The following KLF12 variants were observed in gnomAD, a reference collection of about 807,000 sequenced individuals.
KLF12 encodes the protein Krueppel-like factor 12.
In KLF12, 9 loss-of-function variants were observed where a neutral mutation model predicts 37.8. The ratio of observed to expected loss-of-function variants is 0.24; its 90% CI spans 0.14 to 0.42. The LOEUF (loss-of-function observed/expected upper bound fraction) is 0.42, where lower values mean the gene tolerates loss of function less well. KLF12 is among the 10% of genes least tolerant of loss of function. The probability of loss-of-function intolerance (pLI) is 1.00; values close to 1 mark genes in which losing one functional copy is unlikely to be tolerated. For synonymous variants in KLF12, 208 were observed against 202.1 expected, an observed-to-expected ratio of 1.03 and a Z score of -0.25; for missense variants, 411 against 516.0, an observed-to-expected ratio of 0.80 and a Z score of 1.97.
intron 1 of KLF12, among the ~76,000 whole-genome samples, chr13:74,039,747 AAAT>A (rs1232565602): frequency 6.6e-6 from 1 of 152,246 alleles, no homozygotes; most frequent in Non-Finnish European, 1.5e-5. Flanking sequence ...ATAAAGATAG[AAAT>A]TCTTCACACA....
intron 1 of KLF12, among the ~76,000 whole-genome samples, chr13:74,060,313 T>A (rs970182815): frequency 2.0e-5 from 3 of 152,342 alleles, no homozygotes; most frequent in Admixed American, 6.5e-5. Context: ...GGTATTTTCA[T>A]AGAAATTGTG....
At chr13:74,212,295 G>A in the KLF12 span, among the ~76,000 whole-genome samples, 2 of 152,070 alleles carry the variant, frequency 1.3e-5, no homozygotes, top group Admixed American at 1.3e-4. Flanking sequence ...AACTGGTTTG[G>A]GAAGAAATGT....
chr13:74,218,839 T>C, the KLF12 span, among the ~76,000 whole-genome samples: 1 of 152,156 alleles, frequency 6.6e-6, no homozygotes, highest in Non-Finnish European at 1.5e-5. Flanking sequence ...TCAAAAATTA[T>C]GATGGTAAAA....
chr13:74,028,902 A>T (rs563434752), intron 1 of KLF12, among the ~76,000 whole-genome samples: 1 of 152,186 alleles, frequency 6.6e-6, no homozygotes, highest in South Asian at 2.1e-4. Context: ...AGCAGTAAAA[A>T]CATATGATAT....
chr13:73,838,193 G>T (rs1224254962), intron 4 of KLF12, among the ~76,000 whole-genome samples: 6 of 152,172 alleles, frequency 3.9e-5, no homozygotes, highest in African/African-American at 1.4e-4. Flanking sequence ...TCTCTGTGAT[G>T]ACTGTATTTT....
the KLF12 span, among the ~76,000 whole-genome samples, chr13:74,175,359 C>T: frequency 1.3e-5 from 2 of 152,280 alleles, no homozygotes; most frequent in Non-Finnish European, 1.5e-5. Flanking sequence ...TCCCACTGTC[C>T]TTTTCAGCAA....
intron 6 of KLF12, among the ~76,000 whole-genome samples, chr13:73,724,171 G>T (rs759269371): frequency 1.3e-5 from 2 of 152,090 alleles, no homozygotes; most frequent in South Asian, 4.2e-4. Flanking sequence ...ACTGGAAAAA[G>T]AAAATGTGGC....
In KLF12 at chr13:74,117,712, C is replaced by T. The variant is rs571912461; in HGVS notation, c.-32+16027G>A. Among the ~76,000 whole-genome samples the T allele has an allele frequency of 1.6e-4, 24 of 152,286 alleles. No individual in the cohort carries two copies. In the Middle Eastern group the frequency reaches 0.01, roughly 65 times the overall value. Reference sequence around the variant, plus strand: ...TACAATGATACCCCGATGTGATACACTGAGAAGGGTTCGTCACCTATGTGA... The same window carrying T: ...TACAATGATACCCCGATGTGATACATTGAGAAGGGTTCGTCACCTATGTGA... On this transcript the variant is annotated intron_variant, in intron 1 of 7. Transcript: ENST00000377669.
intron 3 of KLF12, among the ~76,000 whole-genome samples, chr13:73,893,794 T>C (rs932187092): frequency 4.6e-5 from 7 of 152,160 alleles, no homozygotes; most frequent in Non-Finnish European, 1.0e-4. Context: ...ACAGGTGCTG[T>C]GCTGGGTAGG....
At chr13:73,737,683 C>A (rs1877559793) in intron 6 of KLF12, among the ~76,000 whole-genome samples, 1 of 152,154 alleles carries the variant, frequency 6.6e-6, no homozygotes, top group Admixed American at 6.5e-5. Flanking sequence ...CAGCAAGGCT[C>A]TGACATTTTC....
intron 6 of KLF12, among the ~76,000 whole-genome samples, chr13:73,741,396 G>C (rs909735102): frequency 6.6e-6 from 1 of 152,208 alleles, no homozygotes; most frequent in Non-Finnish European, 1.5e-5. Context: ...GTAAGGTATT[G>C]CTGTGGTTTC....
At chr13:73,904,875 C>T (rs1193907981) in intron 3 of KLF12, among the ~76,000 whole-genome samples, 1 of 151,298 alleles carries the variant, frequency 6.6e-6, no homozygotes, top group East Asian at 1.9e-4. Context: ...AGCAAGAATA[C>T]ACTGATCTCA....
chr13:74,171,762 C>A, the KLF12 span, among the ~76,000 whole-genome samples: 2 of 152,096 alleles, frequency 1.3e-5, no homozygotes, highest in African/African-American at 4.8e-5. Flanking sequence ...AAGACTCCCA[C>A]AAAATACAAA....
chr13:74,223,589 A>G, the KLF12 span, among the ~76,000 whole-genome samples: 1 of 152,160 alleles, frequency 6.6e-6, no homozygotes, highest in Non-Finnish European at 1.5e-5. Context: ...CAGGGATATG[A>G]CCTGAATGGA....
intron 6 of KLF12, among the ~76,000 whole-genome samples, chr13:73,718,277 C>T (rs578066470): frequency 4.9e-4 from 74 of 152,298 alleles, no homozygotes; most frequent in African/African-American, 1.7e-3. Flanking sequence ...ATGAATGTTT[C>T]TTTAGGGACC....
intron 5 of KLF12, among the ~76,000 whole-genome samples, chr13:73,781,790 G>A (rs868754669): frequency 6.6e-6 from 1 of 151,706 alleles, no homozygotes; most frequent in Non-Finnish European, 1.5e-5. Context: ...ACAAAGCACA[G>A]GCCTAAAAAA....
At chr13:74,090,502 T>C (rs994915189) in intron 1 of KLF12, among the ~76,000 whole-genome samples, 3 of 152,196 alleles carry the variant, frequency 2.0e-5, no homozygotes, top group South Asian at 2.1e-4. Context: ...CTGACTTCTC[T>C]ATCAAAATCG....
chr13:73,911,728 TAAG>T (rs1888577346), intron 3 of KLF12, among the ~76,000 whole-genome samples: 1 of 152,332 alleles, frequency 6.6e-6, no homozygotes, highest in Admixed American at 6.5e-5. Flanking sequence ...GTTATAGAAA[TAAG>T]AAAAATGTTC....
intron 5 of KLF12, among the ~76,000 whole-genome samples, chr13:73,773,166 A>G (rs1350856040): frequency 6.6e-6 from 1 of 152,216 alleles, no homozygotes; most frequent in Non-Finnish European, 1.5e-5. Flanking sequence ...TATCCTTAGC[A>G]TATAAATCAT....
Sources: allele counts gnomAD v4.1 joint callset (sites outside exome capture counted in the v4.1 genomes callset), GRCh38; gene constraint gnomAD v4.1.1; transcripts MANE v1.5; gene names NCBI Gene and HGNC (gene_info 2026-07-23, HGNC 2026-07-21).